The following STXBP4 variants were observed in gnomAD, a reference collection of about 807,000 sequenced individuals.
The protein encoded by STXBP4 is syntaxin binding protein 4, also known as syntaxin-binding protein 4.
A neutral mutation model predicts 76.1 loss-of-function variants in STXBP4; 55 were observed. That is an observed-to-expected ratio of 0.72 (90% confidence interval 0.58 to 0.91). STXBP4 has a LOEUF of 0.91. Among genes scored for constraint, STXBP4 ranks in the 40% least tolerant of loss-of-function variants. The probability of loss-of-function intolerance (pLI) is 0.00; values close to 1 mark genes in which losing one functional copy is unlikely to be tolerated. For missense variants in STXBP4, 618 were observed against 636.9 expected, an observed-to-expected ratio of 0.97 and a Z score of 0.32; for synonymous variants, 201 against 220.2, an observed-to-expected ratio of 0.91 and a Z score of 0.77.
chr17:55,061,717 A>G (rs937855075), intron 12 of STXBP4, among the ~76,000 whole-genome samples: 25 of 152,350 alleles, frequency 1.6e-4, no homozygotes, highest in Middle Eastern at 3.4e-3. Flanking sequence ...AATATTGTAT[A>G]AATGGAATCA....
the STXBP4 span, among the ~76,000 whole-genome samples, chr17:55,182,393 G>C: frequency 1.3e-5 from 2 of 152,056 alleles, no homozygotes; most frequent in Non-Finnish European, 2.9e-5. Flanking sequence ...AAAACATCCA[G>C]AATTATGCAA....
At chr17:54,971,123 A>G (rs1342796853) in intron 1 of STXBP4, among the ~76,000 whole-genome samples, 1 of 152,224 alleles carries the variant, frequency 6.6e-6, no homozygotes, top group Non-Finnish European at 1.5e-5. Context: ...ACCCTTCACC[A>G]AGATTAGAGA....
chr17:55,206,007 G>A, the STXBP4 span, among the ~76,000 whole-genome samples: 1 of 151,894 alleles, frequency 6.6e-6, no homozygotes, highest in East Asian at 1.9e-4. Flanking sequence ...ATATTAAATA[G>A]TATATTATAT....
At chr17:55,069,284 T>C (rs966769034) in intron 12 of STXBP4, among the ~76,000 whole-genome samples, 4 of 152,146 alleles carry the variant, frequency 2.6e-5, no homozygotes, top group Non-Finnish European at 5.9e-5. Flanking sequence ...TACTACTATA[T>C]CTTCATTTTT....
chr17:55,145,579 A>G (rs570684619), intron 17 of STXBP4, among the ~76,000 whole-genome samples: 20 of 152,348 alleles, frequency 1.3e-4, no homozygotes, highest in South Asian at 1.0e-3. Flanking sequence ...CCACATGTCC[A>G]TCACACATAT....
chr17:55,084,729 T>A (rs1325385452), intron 16 of STXBP4, among the ~76,000 whole-genome samples: 1 of 152,170 alleles, frequency 6.6e-6, no homozygotes, highest in Non-Finnish European at 1.5e-5. Context: ...CACCATTTAT[T>A]AAATAGAGAA....
chr17:55,132,264 T>A (rs1650268401), intron 16 of STXBP4, among the ~76,000 whole-genome samples: 1 of 152,204 alleles, frequency 6.6e-6, no homozygotes, highest in Non-Finnish European at 1.5e-5. Flanking sequence ...TGACCTCAGC[T>A]CACTGCAACC....
At chr17:55,109,096 A>G (rs2079676077) in intron 16 of STXBP4, among the ~76,000 whole-genome samples, 1 of 152,204 alleles carries the variant, frequency 6.6e-6, no homozygotes, top group South Asian at 2.1e-4. Flanking sequence ...GTAATTATTT[A>G]TGAATTAGGA....
chr17:55,211,813 T>G, the STXBP4 span, among the ~76,000 whole-genome samples: 22 of 131,222 alleles, frequency 1.7e-4, 1 homozygote, highest in African/African-American at 4.8e-4. Context: ...TTTTTTTTTT[T>G]TTTTTTTTTT....
At chr17:55,037,050 A>G (rs867466481) in intron 10 of STXBP4, among the ~76,000 whole-genome samples, 1 of 152,098 alleles carries the variant, frequency 6.6e-6, no homozygotes, top group African/African-American at 2.4e-5. Flanking sequence ...GCCCATTGCA[A>G]TCACCCACAG....
intron 4 of STXBP4, 42 bp from the exon 5 acceptor site, chr17:54,999,303 A>G (rs1231064023): frequency 6.8e-7 from 1 of 1,464,046 alleles, no homozygotes; most frequent in African/African-American, 1.4e-5. Context: ...TTTTTTTTAA[A>G]TACCTCATTA....
At chr17:54,981,371 G>A (rs1297670219) in intron 1 of STXBP4, among the ~76,000 whole-genome samples, 3 of 151,436 alleles carry the variant, frequency 2.0e-5, no homozygotes, top group African/African-American at 7.3e-5. Context: ...AATGGCATTG[G>A]TGTACAAATA....
At chr17:55,212,226 T>C in the STXBP4 span, among the ~76,000 whole-genome samples, 1 of 152,178 alleles carries the variant, frequency 6.6e-6, no homozygotes, top group Non-Finnish European at 1.5e-5. Flanking sequence ...GGCAAATTAC[T>C]TGATCCTCCC....
the STXBP4 span, among the ~76,000 whole-genome samples, chr17:55,203,963 G>T: frequency 6.6e-6 from 1 of 151,954 alleles, no homozygotes; most frequent in Non-Finnish European, 1.5e-5. Flanking sequence ...GGAGTTTATA[G>T]CACTTCTTGA....
At chr17:55,101,804 C>G (rs927353070) in intron 16 of STXBP4, among the ~76,000 whole-genome samples, 1 of 152,092 alleles carries the variant, frequency 6.6e-6, no homozygotes, top group South Asian at 2.1e-4. Flanking sequence ...TCATAGTTCT[C>G]TTTATTTTTT....
intron 8 of STXBP4, among the ~76,000 whole-genome samples, chr17:55,011,196 T>C (rs1274308653): frequency 1.3e-5 from 2 of 152,166 alleles, no homozygotes; most frequent in Non-Finnish European, 2.9e-5. Context: ...TTACCATATA[T>C]TGAGCACCTT....
chr17:55,039,260 A>G (rs889814847), intron 10 of STXBP4, among the ~76,000 whole-genome samples: 3 of 152,140 alleles, frequency 2.0e-5, no homozygotes, highest in Non-Finnish European at 2.9e-5. Flanking sequence ...ATAGGATTTT[A>G]TGTGCTCAAG....
intron 10 of STXBP4, among the ~76,000 whole-genome samples, chr17:55,042,848 T>C (rs930864805): frequency 2.0e-5 from 3 of 152,174 alleles, no homozygotes; most frequent in Admixed American, 1.3e-4. Flanking sequence ...ATTTATAATG[T>C]ACAGCATTTT....
At chr17:55,209,923 C>T in the STXBP4 span, among the ~76,000 whole-genome samples, 1 of 152,112 alleles carries the variant, frequency 6.6e-6, no homozygotes. Context: ...GGTTGGGCAT[C>T]CCTGGTTATA....
Sources: gnomAD v4.1 joint callset for allele counts (sites outside exome capture counted in the v4.1 genomes callset) on GRCh38, gnomAD v4.1.1 for gene constraint, MANE v1.5 for transcripts, NCBI Gene and HGNC (gene_info 2026-07-23, HGNC 2026-07-21) for gene names.